Variants in PHACTR1 observed in about 807,000 individuals in gnomAD.
PHACTR1 encodes the protein phosphatase and actin regulator 1, also known as RPEL repeat containing 1.
Under a neutral mutation model 69.2 loss-of-function variants are expected in PHACTR1, and 16 were observed. That is an observed-to-expected ratio of 0.23 (90% confidence interval 0.16 to 0.35). The LOEUF is 0.35. Among genes scored for constraint, PHACTR1 ranks in the 10% least tolerant of loss-of-function variants. The pLI is 1.00. For missense variants in PHACTR1, 510 were observed against 734.7 expected, an observed-to-expected ratio of 0.69 and a Z score of 3.54; for synonymous variants, 312 against 284.5, an observed-to-expected ratio of 1.10 and a Z score of -0.97.
At chr6:13,053,593 C>G in intron 5 of PHACTR1, 64 bp downstream of exon 5, 1 of 1,538,896 alleles carries the variant, frequency 6.5e-7, no homozygotes, top group Non-Finnish European at 8.8e-7. Context: ...ATTATCTTAA[C>G]AGAATTTAAT....
At chr6:12,873,213 T>C (rs1305054338) in intron 4 of PHACTR1, among the ~76,000 whole-genome samples, 2 of 151,802 alleles carry the variant, frequency 1.3e-5, no homozygotes, top group African/African-American at 4.8e-5. Flanking sequence ...GATAGGATCT[T>C]GCCATGTTGC....
intron 4 of PHACTR1, among the ~76,000 whole-genome samples, chr6:12,926,365 C>T (rs1184949014): frequency 6.6e-6 from 1 of 152,208 alleles, no homozygotes; most frequent in Non-Finnish European, 1.5e-5. Flanking sequence ...TACATACCCT[C>T]TCTGGGGAAT....
chr6:12,802,659 C>T (rs1241996979), intron 4 of PHACTR1, among the ~76,000 whole-genome samples: 1 of 152,142 alleles, frequency 6.6e-6, no homozygotes, highest in African/African-American at 2.4e-5. Context: ...TTTTTTATCC[C>T]ATCAAGTACA....
At chr6:12,918,612 G>A (rs190584329) in intron 4 of PHACTR1, among the ~76,000 whole-genome samples, 11 of 152,268 alleles carry the variant, frequency 7.2e-5, no homozygotes, top group African/African-American at 2.6e-4. Flanking sequence ...TCATTAATTT[G>A]ATGTGATGTC....
intron 3 of PHACTR1, among the ~76,000 whole-genome samples, chr6:12,736,748 G>A (rs573777432): frequency 2.6e-5 from 4 of 152,044 alleles, no homozygotes; most frequent in African/African-American, 7.2e-5. Flanking sequence ...TTGCAAAAAC[G>A]ATATAGTACA....
intron 4 of PHACTR1, among the ~76,000 whole-genome samples, chr6:12,771,423 G>A (rs1032113724): frequency 1.3e-5 from 2 of 152,128 alleles, no homozygotes; most frequent in African/African-American, 4.8e-5. Flanking sequence ...GGGAGTCTTG[G>A]GGTGACATCG....
rs139133222 is a variant in PHACTR1, at chr6:12,875,958, T to G, written c.250+126168T>G. 5.5e-4 allele frequency among the ~76,000 whole-genome samples: 83 copies of G among 152,210 alleles called. 2 individuals are homozygous for G. In the East Asian group the frequency reaches 0.016, roughly 29 times the overall value. On this transcript the variant is annotated intron_variant, in intron 4 of 14. Transcript: ENST00000332995. ...CAGCATTCTTGGCCCAACGTTATAA[T>G]AAAGCTAAGGAGGTTAGGAACACGA...
At chr6:12,831,536 C>T (rs1367451233) in intron 4 of PHACTR1, among the ~76,000 whole-genome samples, 1 of 152,096 alleles carries the variant, frequency 6.6e-6, no homozygotes, top group African/African-American at 2.4e-5. Context: ...CAGAAGTCTG[C>T]CCCCTTGTTT....
At chr6:13,014,139 G>T (rs1211041727) in intron 4 of PHACTR1, among the ~76,000 whole-genome samples, 1 of 152,064 alleles carries the variant, frequency 6.6e-6, no homozygotes, top group Non-Finnish European at 1.5e-5. Context: ...CGCCCGGGAC[G>T]GTGAGTGCCG....
intron 5 of PHACTR1, among the ~76,000 whole-genome samples, chr6:13,115,317 TAC>T (rs1817649454): frequency 1.3e-5 from 2 of 152,160 alleles, no homozygotes; most frequent in African/African-American, 4.8e-5. Context: ...AACCTACAGC[TAC>T]ACAGTACATT....
intron 5 of PHACTR1, among the ~76,000 whole-genome samples, chr6:13,140,686 G>C (rs1433962351): frequency 6.6e-6 from 1 of 152,214 alleles, no homozygotes; most frequent in Non-Finnish European, 1.5e-5. Context: ...CGTTTTACAA[G>C]TTGAAAAAGT....
chr6:13,066,268 G>A (rs1808613890), intron 5 of PHACTR1, among the ~76,000 whole-genome samples: 1 of 152,166 alleles, frequency 6.6e-6, no homozygotes, highest in Non-Finnish European at 1.5e-5. Flanking sequence ...GTGTTGAGCA[G>A]AGCATCTGGC....
intron 5 of PHACTR1, among the ~76,000 whole-genome samples, chr6:13,134,601 C>T (rs529536647): frequency 1.3e-5 from 2 of 151,848 alleles, no homozygotes; most frequent in Admixed American, 1.3e-4. Context: ...CAGCATGCTC[C>T]TTAAGAGTCA....
intron 10 of PHACTR1, among the ~76,000 whole-genome samples, chr6:13,241,430 G>A (rs145059005): frequency 8.1e-4 from 123 of 152,264 alleles, no homozygotes; most frequent in Non-Finnish European, 1.5e-3. Context: ...GGGAGGTGGC[G>A]TGCAGGAATC....
At chr6:13,151,921 AGTGT>A (rs35038578) in intron 5 of PHACTR1, among the ~76,000 whole-genome samples, 1 of 150,586 alleles carries the variant, frequency 6.6e-6, no homozygotes, top group Admixed American at 6.6e-5. Flanking sequence ...TTTATAAATA[AGTGT>A]GTGTGTGTGT....
chr6:12,838,815 A>T (rs1415147973), intron 4 of PHACTR1, among the ~76,000 whole-genome samples: 1 of 152,200 alleles, frequency 6.6e-6, no homozygotes, highest in African/African-American at 2.4e-5. Context: ...AATGGCATTA[A>T]TGCAGGTGTG....
intron 4 of PHACTR1, among the ~76,000 whole-genome samples, chr6:12,972,896 C>T (rs1369243080): frequency 1.3e-5 from 2 of 152,164 alleles, no homozygotes; most frequent in Non-Finnish European, 2.9e-5. Context: ...GGCGATCCAC[C>T]TGCCTTGGCC....
chr6:13,279,181 AAT>A (rs1779622358), intron 12 of PHACTR1: 1 of 152,222 alleles, frequency 6.6e-6, no homozygotes, highest in South Asian at 2.1e-4. Flanking sequence ...CTGGAATTTT[AAT>A]ATAGTCTTAA....
intron 4 of PHACTR1, among the ~76,000 whole-genome samples, chr6:12,988,652 A>G (rs1339464069): frequency 6.6e-6 from 1 of 152,212 alleles, no homozygotes; most frequent in Non-Finnish European, 1.5e-5. Context: ...AAGAAACCTG[A>G]AGCTGAGAGG....
Sources: allele counts gnomAD v4.1 joint callset (sites outside exome capture counted in the v4.1 genomes callset), GRCh38; gene constraint gnomAD v4.1.1; transcripts MANE v1.5; gene names NCBI Gene and HGNC (gene_info 2026-07-23, HGNC 2026-07-21).